The following VPS8 variants were observed in gnomAD, a reference collection of about 807,000 sequenced individuals.
VPS8 encodes the protein vacuolar protein sorting-associated protein 8 homolog.
VPS8 carries 129 observed loss-of-function variants against 216.4 expected under a neutral mutation model. The observed-to-expected ratio is 0.60, with a 90% CI of 0.52 to 0.69. The LOEUF (loss-of-function observed/expected upper bound fraction) is 0.69. Ranked by LOEUF, VPS8 falls within the 30% of genes least tolerant of loss-of-function variation. The pLI is 0.00. For missense variants in VPS8, 1,531 were observed against 1,683.5 expected, an observed-to-expected ratio of 0.91 and a Z score of 1.59; for synonymous variants, 571 against 565.4, an observed-to-expected ratio of 1.01 and a Z score of -0.14.
At chr3:184,895,376 C>T (rs549696028) in intron 23 of VPS8, among the ~76,000 whole-genome samples, 73 of 151,904 alleles carry the variant, frequency 4.8e-4, no homozygotes, top group African/African-American at 1.6e-3. Flanking sequence ...TATGTATGTC[C>T]AGAGTTTTGA....
In VPS8 at chr3:184,870,804, A is replaced by G; in HGVS notation, c.1733A>G (p.Gln578Arg). The change falls in exon 21 of 48, where the codon CAG becomes CGG. Residue 578 changes from glutamine to arginine, a missense_variant and splice_region_variant. By Grantham distance (43) the Gln-to-Arg change is conservative. Coordinates refer to ENST00000625842, the MANE Select transcript of VPS8 (RefSeq NM_001009921.3). ...GKIQVMEQHF[Q>R]DMVPVIVDYC... ...ATCCAAGTGATGGAGCAGCATTTTC[A>G]GGTACACATTGCATGTGCTTCCAGT... 6.2e-7 allele frequency: 1 copy of G among 1,609,972 alleles called. No homozygotes were observed. The highest frequency in any genetic ancestry group is 1.7e-5 in the Admixed American group (1 of 59,558).
intron 37 of VPS8, among the ~76,000 whole-genome samples, chr3:184,959,816 CT>C (rs1746198179): frequency 6.6e-6 from 1 of 151,088 alleles, no homozygotes; most frequent in African/African-American, 2.4e-5. Context: ...TTTTTTTTCC[CT>C]TCTATTCTTT....
rs767401337 is a variant in VPS8, at chr3:184,957,473, A to G, written c.3135A>G (p.Ile1045Met). ...LLCQFNPTQVIETLQVLECYR... is the reference protein window; with the variant it reads ...LLCQFNPTQVMETLQVLECYR... ...GTCAGTTCAACCCAACCCAAGTTATAGAGACTCTGCAAGTCCTTGAGTGCT... is the reference window on the plus strand; with the variant it reads ...GTCAGTTCAACCCAACCCAAGTTATGGAGACTCTGCAAGTCCTTGAGTGCT... The change falls in exon 37 of 48, where the codon ATA becomes ATG. Residue 1045 changes from isoleucine to methionine, a missense_variant. This residue lies in a region of VPS8 where 1,318 missense variants were observed against 1,468.4 expected (regional missense o/e 0.90). Coordinates refer to ENST00000625842, the MANE Select transcript of VPS8 (RefSeq NM_001009921.3). 6.2e-7 allele frequency: 1 copy of G among 1,612,622 alleles called. No homozygotes were observed. Among genetic ancestry groups the G allele is most frequent in the Non-Finnish European group, 8.5e-7 (1 of 1,179,308 alleles).
chr3:184,933,842 C>T (rs1741139658), intron 34 of VPS8, among the ~76,000 whole-genome samples: 1 of 152,140 alleles, frequency 6.6e-6, no homozygotes, highest in Admixed American at 6.6e-5. Context: ...GTTTGTCCAT[C>T]TCTGCATCAG....
chr3:185,039,415 C>T (rs1455142585), intron 46 of VPS8, among the ~76,000 whole-genome samples: 7 of 151,460 alleles, frequency 4.6e-5, no homozygotes, highest in Non-Finnish European at 1.0e-4. Flanking sequence ...AGGCTGCCTC[C>T]ACTCAAGGCA....
intron 46 of VPS8, among the ~76,000 whole-genome samples, chr3:185,036,560 T>C (rs1387027559): frequency 6.6e-6 from 1 of 152,010 alleles, no homozygotes; most frequent in East Asian, 1.9e-4. Context: ...GATGAAGTCT[T>C]TAATGATTAA....
intron 7 of VPS8, 73 bp from the exon 8 acceptor site, chr3:184,843,166 CT>C: frequency 8.4e-7 from 1 of 1,196,304 alleles, no homozygotes; most frequent in Non-Finnish European, 1.1e-6. Context: ...TTTTACCTGC[CT>C]TTTCTTCGAA....
At chr3:184,929,477 A>G (rs905036371) in intron 32 of VPS8, 103 bp from the exon 33 acceptor site, 2 of 685,176 alleles carry the variant, frequency 2.9e-6, no homozygotes, top group African/African-American at 3.7e-5. Context: ...AGCATGAGCC[A>G]GGACACCTGG....
intron 7 of VPS8, 110 bp from the exon 8 acceptor site, chr3:184,843,130 A>G (rs932358537): frequency 1.3e-5 from 9 of 707,674 alleles, no homozygotes; most frequent in Admixed American, 1.0e-4. Context: ...AGATAACTAA[A>G]GCTTGTCACT....
At position 184,933,390 on chromosome 3, in the gene VPS8, A is replaced by G. The variant is rs185468754; in HGVS notation, c.2898+2822A>G. Reference sequence around the variant, plus strand: ...AAGTGCCTGCTGAAGTTTTTTGCCCACTTTTCTGTTTGAAATGTCTCATAC... The same window carrying G: ...AAGTGCCTGCTGAAGTTTTTTGCCCGCTTTTCTGTTTGAAATGTCTCATAC... On this transcript the variant is annotated intron_variant, in intron 34 of 47. Coordinates refer to ENST00000625842, the MANE Select transcript of VPS8 (RefSeq NM_001009921.3). Among the ~76,000 whole-genome samples, 490 of 152,166 alleles carry G rather than the reference A, an allele frequency of 3.2e-3. 3 individuals are homozygous for G. Among genetic ancestry groups the G allele is most frequent in the Non-Finnish European group, 4.5e-3 (308 of 68,002 alleles).
At chr3:184,955,033 C>A (rs1413009696) in intron 36 of VPS8, among the ~76,000 whole-genome samples, 1 of 152,184 alleles carries the variant, frequency 6.6e-6, no homozygotes, top group East Asian at 1.9e-4. Flanking sequence ...ATAAGGGCCG[C>A]TTGAGGGCTC....
intron 42 of VPS8, among the ~76,000 whole-genome samples, chr3:184,987,720 T>C (rs1751327673): frequency 6.6e-6 from 1 of 152,334 alleles, no homozygotes; most frequent in East Asian, 1.9e-4. Context: ...TGTGTGGACT[T>C]AAGTTTTAGA....
At position 184,894,789 on chromosome 3, in the gene VPS8, T is replaced by C; in HGVS notation, c.1868T>C (p.Ile623Thr). 2 of 1,610,376 alleles carry C rather than the reference T, an allele frequency of 1.2e-6. No homozygotes were observed. Among genetic ancestry groups the C allele is most frequent in the Non-Finnish European group, 1.7e-6 (2 of 1,178,064 alleles). ...GVFLECLEPY[I>T]LSDKLVGITP... is the part of the protein sequence containing the mutation. ...TTTTTGGAGTGCCTTGAGCCATATATTTTAAGTGATAAATTGGTGGGAATC... is the reference window on the plus strand; with the variant it reads ...TTTTTGGAGTGCCTTGAGCCATATACTTTAAGTGATAAATTGGTGGGAATC... The change falls in exon 23 of 48, where the codon ATT (isoleucine) becomes ACT (threonine). Residue 623 changes from isoleucine to threonine, a missense_variant. This residue lies in a region of VPS8 where 1,318 missense variants were observed against 1,468.4 expected (regional missense o/e 0.90). Transcript: ENST00000625842.
chr3:184,874,720 A>T (rs553937762), intron 21 of VPS8, among the ~76,000 whole-genome samples: 5 of 152,320 alleles, frequency 3.3e-5, no homozygotes, highest in Admixed American at 1.3e-4. Flanking sequence ...AAAACTGCTA[A>T]GGCATTTTGT....
rs745989648 is a variant in VPS8 at position 184,832,672 on chromosome 3, A to G, written c.223-17A>G. 2 of 1,587,884 alleles carry G rather than the reference A, an allele frequency of 1.3e-6. No individual in the cohort carries two copies. Among genetic ancestry groups the G allele is most frequent in the South Asian group, 2.3e-5 (2 of 88,674 alleles). ...ATTTGGATTTTGAATGTATTGATTT[A>G]TCTTCTTCCAATTTAGACTGATGAT... is the stretch of plus-strand genomic sequence containing the variant. On this transcript the variant is annotated splice_polypyrimidine_tract_variant and intron_variant, in intron 3 of 47. Coordinates refer to ENST00000625842, the MANE Select transcript of VPS8 (RefSeq NM_001009921.3).
At chr3:185,007,497 G>A (rs1754430429) in intron 45 of VPS8, among the ~76,000 whole-genome samples, 1 of 152,124 alleles carries the variant, frequency 6.6e-6, no homozygotes, top group Admixed American at 6.5e-5. Flanking sequence ...TAGTCAACAG[G>A]TAACTTGATA....
At chr3:184,909,607 CT>C (rs976606690) in intron 25 of VPS8, among the ~76,000 whole-genome samples, 27 of 151,990 alleles carry the variant, frequency 1.8e-4, no homozygotes, top group African/African-American at 6.3e-4. Flanking sequence ...CCATTTAGTT[CT>C]TGTTTTTGTT....
In VPS8 at chr3:184,929,678, C is replaced by T; in HGVS notation, c.2799+14C>T. 7.1e-7 allele frequency: 1 copy of T among 1,409,840 alleles called. No individual in the cohort carries two copies. The highest frequency in any genetic ancestry group is 1.4e-5 in the South Asian group (1 of 71,832). The allele number at this position is 1,409,840 out of a possible 1,614,324, so 87.3% of individuals were successfully genotyped here. On this transcript the variant is annotated intron_variant, in intron 33 of 47. Coordinates refer to ENST00000625842, the MANE Select transcript of VPS8 (RefSeq NM_001009921.3). ...CCTCTGCGAGAGGTGAGTCAAGATA[C>T]TGCTTTACTCTTTTTTCTTACTCAA... is the stretch of plus-strand genomic sequence containing the variant.
At chr3:185,020,240 G>C (rs1756451876) in intron 45 of VPS8, among the ~76,000 whole-genome samples, 1 of 152,202 alleles carries the variant, frequency 6.6e-6, no homozygotes, top group African/African-American at 2.4e-5. Flanking sequence ...GGCAGTGAAT[G>C]AACTGCTTTG....
Sources: gnomAD v4.1 joint callset for allele counts (sites outside exome capture counted in the v4.1 genomes callset) on GRCh38, gnomAD v4.1.1 for gene constraint, gnomAD v4.1.1 regional missense constraint, MANE v1.5 for transcripts, NCBI Gene and HGNC (gene_info 2026-07-23, HGNC 2026-07-21) for gene names.